Variants in PDZRN4 observed in about 807,000 individuals in gnomAD.
PDZRN4 encodes the protein PDZ domain-containing RING finger protein 4.
PDZRN4 carries 70 observed loss-of-function variants against 99.0 expected under a neutral mutation model. That is an observed-to-expected ratio of 0.71 (90% confidence interval 0.58 to 0.86). The LOEUF (loss-of-function observed/expected upper bound fraction) is 0.86. Ranked by LOEUF, PDZRN4 falls within the 40% of genes least tolerant of loss-of-function variation. The probability of loss-of-function intolerance (pLI) is 0.00; values close to 1 mark genes in which losing one functional copy is unlikely to be tolerated. For synonymous variants in PDZRN4, 551 were observed against 501.6 expected (o/e 1.10, Z -1.32); for missense variants, 1,474 against 1,331.2 (o/e 1.11, Z -1.67).
intron 7 of PDZRN4, 72 bp from the exon 8 acceptor site, chr12:41,563,476 T>A: frequency 9.3e-7 from 1 of 1,070,110 alleles, no homozygotes. Flanking sequence ...ATAAATGAGC[T>A]GATATTTGCC....
intron 4 of PDZRN4, among the ~76,000 whole-genome samples, chr12:41,508,566 G>A (rs61924274): frequency 1.3e-5 from 2 of 152,140 alleles, no homozygotes; most frequent in Non-Finnish European, 2.9e-5. Context: ...CGAAAGACAA[G>A]GGAAACACAT....
chr12:41,506,787 G>A, intron 4 of PDZRN4, 75 bp downstream of exon 4: 2 of 1,492,138 alleles, frequency 1.3e-6, no homozygotes, highest in Non-Finnish European at 1.8e-6. Context: ...AAAAGAAGCA[G>A]TTCCACTAGC....
At chr12:41,281,199 C>T (rs761177350) in intron 3 of PDZRN4, among the ~76,000 whole-genome samples, 10 of 151,860 alleles carry the variant, frequency 6.6e-5, no homozygotes, top group Non-Finnish European at 1.2e-4. Flanking sequence ...CACGCAAAAA[C>T]TCCATCCAAA....
chr12:41,254,038 T>C (rs1044772883), intron 3 of PDZRN4, among the ~76,000 whole-genome samples: 7 of 143,182 alleles, frequency 4.9e-5, no homozygotes, highest in Non-Finnish European at 9.0e-5. Flanking sequence ...TGTGTGCGTG[T>C]GTGTGTGTGT....
intron 3 of PDZRN4, among the ~76,000 whole-genome samples, chr12:41,327,092 C>T (rs1565552797): frequency 6.6e-6 from 1 of 152,132 alleles, no homozygotes; most frequent in East Asian, 1.9e-4. Flanking sequence ...TGGTTTTCTA[C>T]CATTAAGAAG....
At chr12:41,366,837 G>A (rs11180854) in intron 3 of PDZRN4, among the ~76,000 whole-genome samples, 6 of 152,022 alleles carry the variant, frequency 3.9e-5, no homozygotes, top group South Asian at 2.1e-4. Flanking sequence ...AGGAAATTGC[G>A]AATTGCATTT....
chr12:41,378,520 A>ATTTTTTTTTTTTTTTTTTTTTTTTTT (rs71081733), intron 3 of PDZRN4, among the ~76,000 whole-genome samples: 1 of 102,860 alleles, frequency 9.7e-6, no homozygotes, highest in African/African-American at 3.7e-5. Context: ...TCTGTCTTCA[A>ATTTTTTTTTTTTTTTTTTTTTTTTTT]TTTTTTTTTT....
chr12:41,492,429 A>T (rs190300077), intron 3 of PDZRN4, among the ~76,000 whole-genome samples: 4 of 152,156 alleles, frequency 2.6e-5, no homozygotes, highest in Non-Finnish European at 5.9e-5. Flanking sequence ...ATACCTTAAG[A>T]GCAGAGAAGA....
chr12:41,358,567 C>G (rs756863707), intron 3 of PDZRN4, among the ~76,000 whole-genome samples: 2 of 151,948 alleles, frequency 1.3e-5, no homozygotes, highest in African/African-American at 4.8e-5. Context: ...TAGTAAGTCA[C>G]AGAGTCGGGG....
intron 3 of PDZRN4, among the ~76,000 whole-genome samples, chr12:41,198,881 G>A (rs1353325915): frequency 2.0e-5 from 3 of 151,870 alleles, no homozygotes; most frequent in Non-Finnish European, 2.9e-5. Flanking sequence ...TTTAACTATC[G>A]CCAGACTACC....
intron 3 of PDZRN4, among the ~76,000 whole-genome samples, chr12:41,345,515 C>T (rs7973520): frequency 0.026 from 3,987 of 152,244 alleles, 184 homozygotes; most frequent in African/African-American, 0.089. Flanking sequence ...GGGTTCTAGT[C>T]ATTTTCTGGG....
chr12:41,419,403 G>T (rs1333721962), intron 3 of PDZRN4, among the ~76,000 whole-genome samples: 2 of 152,146 alleles, frequency 1.3e-5, no homozygotes, highest in Non-Finnish European at 2.9e-5. Flanking sequence ...ACAGACCCAA[G>T]TGCCCCTCAG....
At chr12:41,262,830 C>G (rs1168118342) in intron 3 of PDZRN4, among the ~76,000 whole-genome samples, 4 of 152,034 alleles carry the variant, frequency 2.6e-5, no homozygotes, top group African/African-American at 9.7e-5. Flanking sequence ...ATGTAGATCA[C>G]TAGAGCAAGA....
chr12:41,269,235 C>G (rs1951298433), intron 3 of PDZRN4, among the ~76,000 whole-genome samples: 1 of 152,172 alleles, frequency 6.6e-6, no homozygotes, highest in Non-Finnish European at 1.5e-5. Flanking sequence ...ATAAAGTAGA[C>G]TTTCACTGTC....
At chr12:41,245,681 A>C (rs961351729) in intron 3 of PDZRN4, among the ~76,000 whole-genome samples, 1 of 152,176 alleles carries the variant, frequency 6.6e-6, no homozygotes, top group Admixed American at 6.5e-5. Flanking sequence ...TTCCATAATA[A>C]AAAGTGAAAA....
intron 6 of PDZRN4, among the ~76,000 whole-genome samples, chr12:41,554,372 G>C (rs148018460): frequency 2.6e-5 from 4 of 152,080 alleles, no homozygotes; most frequent in African/African-American, 9.7e-5. Flanking sequence ...TTTCAGGGAA[G>C]GGAAAGAAGC....
intron 3 of PDZRN4, among the ~76,000 whole-genome samples, chr12:41,246,423 T>C (rs1466041300): frequency 6.6e-6 from 1 of 152,170 alleles, no homozygotes; most frequent in African/African-American, 2.4e-5. Context: ...TGTGGATAGG[T>C]ATGGATGGAT....
chr12:41,195,725 A>G (rs1303218243), intron 3 of PDZRN4, among the ~76,000 whole-genome samples: 2 of 152,176 alleles, frequency 1.3e-5, no homozygotes, highest in African/African-American at 4.8e-5. Context: ...TCATCTTGAC[A>G]ATTTGTCTAG....
intron 3 of PDZRN4, among the ~76,000 whole-genome samples, chr12:41,422,350 A>G (rs1289278016): frequency 2.6e-5 from 4 of 152,186 alleles, no homozygotes; most frequent in African/African-American, 7.2e-5. Flanking sequence ...ACAGGTACTG[A>G]TCAGATTATC....
Sources: gnomAD v4.1 joint callset for allele counts (sites outside exome capture counted in the v4.1 genomes callset) on GRCh38, gnomAD v4.1.1 for gene constraint, MANE v1.5 for transcripts, NCBI Gene and HGNC (gene_info 2026-07-23, HGNC 2026-07-21) for gene names.